PNPLA7: variants seen among roughly 807,000 people sequenced by gnomAD.
The protein encoded by PNPLA7 is patatin like domain 7, lysophospholipase, also known as patatin-like phospholipase domain-containing protein 7.
A neutral mutation model predicts 161.7 loss-of-function variants in PNPLA7; 153 were observed. The ratio of observed to expected loss-of-function variants is 0.95; its 90% CI spans 0.83 to 1.08. PNPLA7 has a LOEUF of 1.08. Ranked by LOEUF, PNPLA7 falls within the 50% of genes least tolerant of loss-of-function variation. PNPLA7 has a pLI of 0.00. For missense variants in PNPLA7, 1,739 were observed against 1,856.6 expected, an observed-to-expected ratio of 0.94 and a Z score of 1.16; for synonymous variants, 809 against 782.1, an observed-to-expected ratio of 1.03 and a Z score of -0.57.
intron 24 of PNPLA7, chr9:137,478,527 G>C (rs1352764904): frequency 1.0e-5 from 2 of 194,280 alleles, no homozygotes; most frequent in Non-Finnish European, 2.1e-5. Flanking sequence ...ACAGAGCTGT[G>C]GGCTGGGGGC....
chr9:137,523,299 C>T lies in PNPLA7; in HGVS notation c.748-442G>A, dbSNP rs1042701288. Among the ~76,000 whole-genome samples, 1 of 152,132 alleles carries T rather than the reference C, an allele frequency of 6.6e-6. No homozygotes were observed. The highest frequency in any genetic ancestry group is 1.5e-5 in the Non-Finnish European group (1 of 68,014). On this transcript the variant is annotated intron_variant, in intron 8 of 34. Coordinates refer to ENST00000406427, the MANE Select transcript of PNPLA7 (RefSeq NM_001098537.3). This position sits in a 1 kb window ranked among gnomAD's most constrained non-coding sequence, Gnocchi z 4.4. The stretch of plus-strand genomic sequence containing the variant: ...AGGCCACCGAGAGGGTCAGGAGCCA[C>T]CACTGTCAAATGCCCACCGCCACAG...
chr9:137,492,024 G>C, intron 20 of PNPLA7: 1 of 985,416 alleles, frequency 1.0e-6, no homozygotes, highest in South Asian at 4.7e-5. Flanking sequence ...GAAGGCAGGA[G>C]AGAGGAGCTC....
intron 14 of PNPLA7, among the ~76,000 whole-genome samples, chr9:137,502,277 G>T (rs1369955417): frequency 6.6e-6 from 1 of 152,106 alleles, no homozygotes; most frequent in Non-Finnish European, 1.5e-5. Flanking sequence ...CCACACCCAC[G>T]AAGGTTTGAA....
chr9:137,503,357 G>C (rs1446360184), intron 14 of PNPLA7, among the ~76,000 whole-genome samples: 1 of 151,716 alleles, frequency 6.6e-6, no homozygotes, highest in Admixed American at 6.6e-5. Flanking sequence ...CTCCAGGCTG[G>C]ATGACAAAGT....
Position 137,547,309 on chromosome 9 carries a change from G to C in PNPLA7, c.193C>G (p.Arg65Gly), listed in dbSNP as rs760996943. ...LFMFRRLRQF[R>G]QAQPTPQYRF... ...CCAGAGTCGGAACCAAGATACTCAC[G>C]AAATTGTCTAAGCCTTCTGAACATG... Residue 65 changes from arginine to glycine, a missense_variant and splice_region_variant, in exon 3 of 35, where the codon CGA becomes GGA. Coordinates refer to ENST00000406427, the MANE Select transcript of PNPLA7 (RefSeq NM_001098537.3). This position sits in a 1 kb window ranked among gnomAD's most constrained non-coding sequence, Gnocchi z 4.6. The C allele has an allele frequency of 6.2e-7, 1 of 1,613,366 alleles. No individual in the cohort carries two copies. Among genetic ancestry groups the C allele is most frequent in the Non-Finnish European group, 8.5e-7 (1 of 1,179,898 alleles).
At chr9:137,518,114 CTCA>C (rs2132452099) in intron 11 of PNPLA7, among the ~76,000 whole-genome samples, 2 of 115,306 alleles carry the variant, frequency 1.7e-5, no homozygotes, top group Admixed American at 7.8e-5. Flanking sequence ...CACTCCATCC[CTCA>C]CTCACTCACT....
intron 25 of PNPLA7, among the ~76,000 whole-genome samples, chr9:137,470,579 A>T (rs1251204711): frequency 6.6e-6 from 1 of 152,196 alleles, no homozygotes; most frequent in African/African-American, 2.4e-5. Flanking sequence ...AAAATTTTTT[A>T]AAAACCTTCT....
intron 19 of PNPLA7, among the ~76,000 whole-genome samples, chr9:137,493,733 C>T (rs922111698): frequency 6.6e-6 from 1 of 152,214 alleles, no homozygotes; most frequent in African/African-American, 2.4e-5. Flanking sequence ...CCGAGGCGCT[C>T]ATGAGAACGA....
At chr9:137,463,156 C>T (rs1831300226) in intron 29 of PNPLA7, 2 of 588,898 alleles carry the variant, frequency 3.4e-6, no homozygotes, top group South Asian at 2.1e-5. Flanking sequence ...CTCGACTTGG[C>T]CTTTGTTCTG....
intron 6 of PNPLA7, 96 bp from the exon 7 acceptor site, chr9:137,542,897 C>T (rs1390278621): frequency 7.0e-5 from 97 of 1,376,166 alleles, no homozygotes; most frequent in South Asian, 5.4e-4. Flanking sequence ...ACCCCACTGG[C>T]GCCAGGCTTT....
chr9:137,463,949 G>GC (rs1312998200), intron 28 of PNPLA7, among the ~76,000 whole-genome samples, 177 bp downstream of exon 28: 2 of 152,190 alleles, frequency 1.3e-5, no homozygotes, highest in African/African-American at 2.4e-5. Context: ...CCCAGGCCAC[G>GC]CCCCCTCCTG....
chr9:137,506,747 A>G (rs575724734), intron 12 of PNPLA7, among the ~76,000 whole-genome samples: 1 of 152,242 alleles, frequency 6.6e-6, no homozygotes, highest in South Asian at 2.1e-4. Context: ...ATCACTACAC[A>G]CACAGCGTAT....
intron 8 of PNPLA7, among the ~76,000 whole-genome samples, chr9:137,535,528 G>A (rs1835837038): frequency 6.6e-6 from 1 of 152,138 alleles, no homozygotes; most frequent in South Asian, 2.1e-4. Flanking sequence ...GCCGAGGCAG[G>A]CGGATCACAA....
intron 8 of PNPLA7, 67 bp from the exon 9 acceptor site, chr9:137,522,924 T>C: frequency 1.3e-6 from 2 of 1,591,912 alleles, no homozygotes; most frequent in Non-Finnish European, 1.7e-6. Flanking sequence ...ATGCCAAGGC[T>C]CCTGGAAGCC....
Position 137,500,981 on chromosome 9 carries a change from C to T in PNPLA7, c.1552-85G>A. ...TCTGGGCCCAGAGCGGACGATGCCA[C>T]CAGGCTCAGCCGGGAGACCATCCGC... On this transcript the variant is annotated intron_variant, in intron 15 of 34. Transcript: ENST00000406427. The surrounding 1 kb of genome is among the most constrained non-coding windows in gnomAD (Gnocchi z 5.5). 2 of 1,273,682 alleles carry T rather than the reference C, an allele frequency of 1.6e-6. No homozygotes were observed. Among genetic ancestry groups the T allele is most frequent in the Non-Finnish European group, 2.2e-6 (2 of 928,140 alleles). The allele number at this position is 1,273,682 out of a possible 1,614,324, so 78.9% of individuals were successfully genotyped here.
chr9:137,523,873 G>T lies in PNPLA7; in HGVS notation c.748-1016C>A, dbSNP rs894327003. 6.6e-6 allele frequency among the ~76,000 whole-genome samples: 1 copy of T among 151,902 alleles called. No individual in the cohort carries two copies. Among genetic ancestry groups the T allele is most frequent in the East Asian group, 1.9e-4 (1 of 5,150 alleles). On this transcript the variant is annotated intron_variant, in intron 8 of 34. Coordinates refer to ENST00000406427, the MANE Select transcript of PNPLA7 (RefSeq NM_001098537.3). The surrounding 1 kb of genome is among the most constrained non-coding windows in gnomAD (Gnocchi z 4.4). ...TCTCGATCTCCTGACCTCGTGATCC[G>T]CCCACCTCGGCCTCCCAAAGTGCTG...
rs1392481982 is a variant in PNPLA7, at chr9:137,543,406, C to A, written c.506+26G>T. On this transcript the variant is annotated intron_variant, in intron 6 of 34. Coordinates refer to ENST00000406427, the MANE Select transcript of PNPLA7 (RefSeq NM_001098537.3). This position sits in a 1 kb window ranked among gnomAD's most constrained non-coding sequence, Gnocchi z 6.9. ...CCCGGGGCTATGGGAGCTGCCGCAG[C>A]CCCCGGGGCTCATCCCCGCTCTTAC... is the stretch of plus-strand genomic sequence containing the variant. 3.7e-6 allele frequency: 6 copies of A among 1,613,330 alleles called. No homozygotes were observed. The African/African-American group carries it at 8.0e-5, about 22-fold the overall frequency.
chr9:137,520,153 G>C lies in PNPLA7; in HGVS notation c.958-110C>G. The C allele has an allele frequency of 6.8e-7, 1 of 1,478,028 alleles. No individual in the cohort carries two copies. The highest frequency in any genetic ancestry group is 1.9e-5 in the Admixed American group (1 of 51,470). The allele number at this position is 1,478,028 out of a possible 1,614,324, so 91.6% of individuals were successfully genotyped here. ...GTGTGGGCTCCTCAAAGGTGTGACA[G>C]GTGTGGGCCCCTCAAAGGTGTGACA... On this transcript the variant is annotated intron_variant, in intron 10 of 34. Transcript: ENST00000406427. This position sits in a 1 kb window ranked among gnomAD's most constrained non-coding sequence, Gnocchi z 5.2.
At chr9:137,482,612 C>T (rs79666259) in intron 21 of PNPLA7, among the ~76,000 whole-genome samples, 1 of 152,356 alleles carries the variant, frequency 6.6e-6, no homozygotes, top group East Asian at 1.9e-4. Context: ...GCAGGGTCTC[C>T]TCCGTGACAG....
Sources: allele counts gnomAD v4.1 joint callset (sites outside exome capture counted in the v4.1 genomes callset), GRCh38; gene constraint gnomAD v4.1.1; non-coding constraint Gnocchi (gnomAD v3.1); transcripts MANE v1.5; gene names NCBI Gene and HGNC (gene_info 2026-07-23, HGNC 2026-07-21).